DIRAS2: variants seen among roughly 807,000 people sequenced by gnomAD.
The protein encoded by DIRAS2 is DIRAS family GTPase 2.
In DIRAS2, 5 loss-of-function variants were observed where a neutral mutation model predicts 13.9. The observed-to-expected ratio is 0.36, with a 90% confidence interval of 0.19 to 0.76. The LOEUF is 0.76. DIRAS2 is among the 30% of genes least tolerant of loss of function. DIRAS2 has a pLI of 0.53. For synonymous variants in DIRAS2, 111 were observed against 105.4 expected (o/e 1.05, Z -0.33); for missense variants, 191 against 263.0 (o/e 0.73, Z 1.89).
In DIRAS2 at chr9:90,610,561, T is replaced by C. The variant is rs1825102276; in HGVS notation, c.*2667A>G. 1 of 396,708 alleles carries C rather than the reference T, an allele frequency of 2.5e-6. No individual in the cohort carries two copies. The highest frequency in any genetic ancestry group is 4.4e-6 in the Non-Finnish European group (1 of 225,128). The allele number at this position is 396,708 out of a possible 1,614,324, so 24.6% of individuals were successfully genotyped here. A position where few individuals can be genotyped will look rare whatever the true frequency, so the allele number is the denominator to read the frequency against. Reference sequence around the variant, plus strand: ...CCTGGGTCAAAAACTGCTATGCCCATATGCAATGTAGGATGTGTTTTCAAG... The same window carrying C: ...CCTGGGTCAAAAACTGCTATGCCCACATGCAATGTAGGATGTGTTTTCAAG... On this transcript the variant is annotated 3_prime_UTR_variant, in exon 2 of 2. Transcript: ENST00000375765.
At position 90,638,973 on chromosome 9, in the gene DIRAS2, A is replaced by G. The variant is rs377694537; in HGVS notation, c.-37+3779T>C. On this transcript the variant is annotated intron_variant, in intron 1 of 1. Transcript: ENST00000375765. ...TCTGAGCTCTGATGATTATCTAAAG[A>G]TGGTAAAGGAGGAAGGGCGTGTGTG... is the stretch of plus-strand genomic sequence containing the variant. Among the ~76,000 whole-genome samples, 3 of 152,250 alleles carry G rather than the reference A, an allele frequency of 2.0e-5. No individual in the cohort carries two copies. In the East Asian group the frequency reaches 5.8e-4, roughly 29 times the overall value.
chr9:90,622,462 T>G (rs935590613), intron 1 of DIRAS2, among the ~76,000 whole-genome samples: 15 of 99,876 alleles, frequency 1.5e-4, no homozygotes, highest in East Asian at 6.7e-4. Context: ...TTTTCCGGAG[T>G]TTTTTTTTTT....
intron 1 of DIRAS2, among the ~76,000 whole-genome samples, chr9:90,638,588 C>A (rs1272105299): frequency 6.6e-6 from 1 of 151,922 alleles, no homozygotes; most frequent in African/African-American, 2.4e-5. Context: ...TTTTAAGTGT[C>A]AGATGATTGT....
In DIRAS2 at chr9:90,611,276, A is replaced by G. The variant is rs1037354828; in HGVS notation, c.*1952T>C. On this transcript the variant is annotated 3_prime_UTR_variant, in exon 2 of 2. Transcript: ENST00000375765. ...CTGCTTGAGGAATCTGAAGGGGGCC[A>G]CGGGACTGGCCCAAATGCTCTTCAC... 2.0e-5 allele frequency: 3 copies of G among 152,254 alleles called. No homozygotes were observed. The highest frequency in any genetic ancestry group is 7.2e-5 in the African/African-American group (3 of 41,466). 9.4% of individuals were successfully genotyped at this position (152,254 alleles called of 1,614,324 possible).
intron 1 of DIRAS2, chr9:90,625,885 TAA>T (rs1254586031): frequency 1.3e-5 from 2 of 152,202 alleles, no homozygotes; most frequent in East Asian, 1.9e-4. Flanking sequence ...CCAAGAAAAT[TAA>T]AAGAGATCCT....
chr9:90,628,522 T>TACAC (rs71360439), intron 1 of DIRAS2, among the ~76,000 whole-genome samples: 3,841 of 149,236 alleles, frequency 0.026, 82 homozygotes, highest in African/African-American at 0.058. Context: ...ACAAAATTTA[T>TACAC]ACACACACAC....
At chr9:90,616,611 G>A (rs1410403892) in intron 1 of DIRAS2, among the ~76,000 whole-genome samples, 2 of 151,886 alleles carry the variant, frequency 1.3e-5, no homozygotes, top group African/African-American at 2.4e-5. Context: ...ACTCCATAGT[G>A]ATCTTCAACT....
In DIRAS2 at chr9:90,613,330, G is replaced by C. The variant is rs1034509102; in HGVS notation, c.498C>G (p.Leu166=). The change falls in exon 2 of 2, where the codon CTC becomes CTG. Residue 166 remains leucine (L), a synonymous_variant. Coordinates refer to ENST00000375765, the MANE Select transcript of DIRAS2 (RefSeq NM_017594.5). This position sits in a 1 kb window ranked among gnomAD's most constrained non-coding sequence, Gnocchi z 5.6. ...TCACGGTCCTGCGCTTCTCCAGGTT[G>C]AGCAGCTCCTGGAAAAGCTCCTTCA... The part of the protein sequence containing the change: ...HNVKELFQEL[L]NLEKRRTVSL... 1.3e-5 allele frequency: 21 copies of C among 1,614,004 alleles called. No homozygotes were observed. Among genetic ancestry groups the C allele is most frequent in the Non-Finnish European group, 1.8e-5 (21 of 1,180,012 alleles).
chr9:90,619,953 A>G lies in DIRAS2; in HGVS notation c.-36-6090T>C, dbSNP rs1349006371. 2.6e-5 allele frequency among the ~76,000 whole-genome samples: 4 copies of G among 151,688 alleles called. No homozygotes were observed. The South Asian group carries it at 8.3e-4, about 32-fold the overall frequency. On this transcript the variant is annotated intron_variant, in intron 1 of 1. Transcript: ENST00000375765. ...AAGCCAGTAGCAAAAGACCACACAT[A>G]CTGTATGGTTCCATCATATGAAACA...
chr9:90,619,926 A>G lies in DIRAS2; in HGVS notation c.-36-6063T>C, dbSNP rs528123369. Among the ~76,000 whole-genome samples the G allele has an allele frequency of 5.3e-5, 8 of 152,292 alleles. No individual in the cohort carries two copies. In the South Asian group the frequency reaches 1.7e-3, roughly 32 times the overall value. On this transcript the variant is annotated intron_variant, in intron 1 of 1. Transcript: ENST00000375765. ...TCCTGAAAATATTATGGCAAGTAAA[A>G]GAAGCCAGTAGCAAAAGACCACACA...
chr9:90,634,126 A>G (rs1825350769), intron 1 of DIRAS2, among the ~76,000 whole-genome samples: 2 of 152,148 alleles, frequency 1.3e-5, no homozygotes, highest in African/African-American at 4.8e-5. Flanking sequence ...TGGTCCCCCT[A>G]GAAATGCAAG....
intron 1 of DIRAS2, among the ~76,000 whole-genome samples, chr9:90,633,450 A>G (rs1229185799): frequency 6.6e-6 from 1 of 152,208 alleles, no homozygotes; most frequent in Non-Finnish European, 1.5e-5. Context: ...CTTAATTTTC[A>G]GGATGCAGCC....
chr9:90,640,282 A>C (rs1825407318), intron 1 of DIRAS2, among the ~76,000 whole-genome samples: 1 of 152,230 alleles, frequency 6.6e-6, no homozygotes, highest in Non-Finnish European at 1.5e-5. Flanking sequence ...AGCTATAAGG[A>C]ATCTCTTTCC....
chr9:90,624,717 CT>C (rs374652493), intron 1 of DIRAS2, among the ~76,000 whole-genome samples: 28,153 of 147,578 alleles, frequency 0.19, 3,300 homozygotes, highest in Non-Finnish European at 0.28. Flanking sequence ...CTTAATGACA[CT>C]TTTTTTTTTT....
chr9:90,636,027 CTTTTTTTT>C (rs1172661795), intron 1 of DIRAS2, among the ~76,000 whole-genome samples: 12 of 66,260 alleles, frequency 1.8e-4, no homozygotes, highest in East Asian at 1.7e-3. Flanking sequence ...ACTGAATATT[CTTTTTTTT>C]TTTTTTTTTT....
At chr9:90,622,923 C>T (rs1825232946) in intron 1 of DIRAS2, among the ~76,000 whole-genome samples, 1 of 152,152 alleles carries the variant, frequency 6.6e-6, no homozygotes, top group Admixed American at 6.5e-5. Flanking sequence ...TACAACATTC[C>T]AACCCCTATA....
rs1825127402 is a variant in DIRAS2, at chr9:90,612,793, C to T, written c.*435G>A. On this transcript the variant is annotated 3_prime_UTR_variant, in exon 2 of 2. Transcript: ENST00000375765. ...GGACCATCTGATCTTCTCACCTCTT[C>T]CTGCCCCTCCCCTCCCCCAAAGATG... 5.4e-6 allele frequency: 1 copy of T among 185,218 alleles called. No homozygotes were observed. Among genetic ancestry groups the T allele is most frequent in the African/African-American group, 2.4e-5 (1 of 42,272 alleles). The allele number at this position is 185,218 out of a possible 1,614,324, so 11.5% of individuals were successfully genotyped here.
intron 1 of DIRAS2, among the ~76,000 whole-genome samples, chr9:90,615,845 G>A (rs1446633278): frequency 6.6e-6 from 1 of 152,154 alleles, no homozygotes; most frequent in Non-Finnish European, 1.5e-5. Flanking sequence ...CAAATACCAT[G>A]AACATACACA....
chr9:90,634,180 A>G (rs1022109536), intron 1 of DIRAS2, among the ~76,000 whole-genome samples: 1 of 152,124 alleles, frequency 6.6e-6, no homozygotes, highest in Non-Finnish European at 1.5e-5. Flanking sequence ...GTGGAGCATA[A>G]GAAGAGTGAT....
Sources: gnomAD v4.1 joint callset for allele counts (sites outside exome capture counted in the v4.1 genomes callset) on GRCh38, gnomAD v4.1.1 for gene constraint, Gnocchi (gnomAD v3.1) non-coding constraint, MANE v1.5 for transcripts, NCBI Gene and HGNC (gene_info 2026-07-23, HGNC 2026-07-21) for gene names.